The following CERKL variants were observed in gnomAD, a reference collection of about 807,000 sequenced individuals.
CERKL encodes the protein CERK like autophagy regulator.
Under a neutral mutation model 63.4 loss-of-function variants are expected in CERKL, and 61 were observed. The ratio of observed to expected loss-of-function variants is 0.96; its 90% CI spans 0.78 to 1.19. The LOEUF is 1.19. Among genes scored for constraint, CERKL ranks in the 50% most tolerant of loss-of-function variants. The probability of loss-of-function intolerance (pLI) is 0.00; values close to 1 mark genes in which losing one functional copy is unlikely to be tolerated. For synonymous variants in CERKL, 250 were observed against 230.5 expected (o/e 1.08, Z -0.77); for missense variants, 675 against 655.5 (o/e 1.03, Z -0.33).
intron 4 of CERKL, among the ~76,000 whole-genome samples, chr2:181,560,075 T>C (rs969507445): frequency 2.0e-5 from 3 of 152,174 alleles, no homozygotes; most frequent in African/African-American, 7.2e-5. Flanking sequence ...TTCTATTAAA[T>C]CCTCAGAAGT....
intron 1 of CERKL, among the ~76,000 whole-genome samples, chr2:181,647,605 C>T (rs1449708745): frequency 6.6e-6 from 1 of 152,080 alleles, no homozygotes; most frequent in Non-Finnish European, 1.5e-5. Context: ...CACTCTAGGA[C>T]CCATCTACAG....
At chr2:181,539,716 T>G (rs1480905064) in intron 11 of CERKL, among the ~76,000 whole-genome samples, 1 of 152,170 alleles carries the variant, frequency 6.6e-6, no homozygotes, top group Non-Finnish European at 1.5e-5. Context: ...GGGATGTATG[T>G]CTTCTTTTAA....
At chr2:181,604,126 A>G (rs755825877) in intron 1 of CERKL, 47 bp from the exon 2 acceptor site, 1 of 1,509,166 alleles carries the variant, frequency 6.6e-7, no homozygotes, top group South Asian at 1.1e-5. Flanking sequence ...TGTTTCATAG[A>G]GAGGAACAAC....
intron 2 of CERKL, among the ~76,000 whole-genome samples, chr2:181,596,625 C>T (rs1413680841): frequency 1.3e-5 from 2 of 152,180 alleles, no homozygotes; most frequent in African/African-American, 4.8e-5. Context: ...TATTGCTTAA[C>T]TTTTAATAAT....
At chr2:181,576,586 C>G (rs145008308) in intron 2 of CERKL, among the ~76,000 whole-genome samples, 123 of 152,206 alleles carry the variant, frequency 8.1e-4, no homozygotes, top group African/African-American at 2.9e-3. Context: ...AGGTGAAGCA[C>G]GGTGAATTTC....
intron 3 of CERKL, among the ~76,000 whole-genome samples, chr2:181,570,525 G>A (rs1028075311): frequency 9.2e-5 from 14 of 152,118 alleles, no homozygotes; most frequent in African/African-American, 3.4e-4. Context: ...TTTGATTTGT[G>A]TACGAATAGG....
intron 5 of CERKL, among the ~76,000 whole-genome samples, chr2:181,554,061 C>T (rs1050350116): frequency 1.3e-5 from 2 of 151,714 alleles, no homozygotes; most frequent in South Asian, 2.1e-4. Flanking sequence ...CTACCACTTC[C>T]TCCTGAGAGC....
chr2:181,566,205 T>C, intron 3 of CERKL, 84 bp from the exon 4 acceptor site: 5 of 971,664 alleles, frequency 5.1e-6, no homozygotes, highest in South Asian at 2.6e-5. Context: ...CAAAATAATA[T>C]GATAAACATA....
In CERKL at chr2:181,573,799, C is replaced by T. The variant is rs1689010242; in HGVS notation, c.567G>A (p.Lys189=). ...KKEATQVYYE[K]VEPLLKLAGI... ...CTGCAAGCTTCAACAGAGGTTCAAC[C>T]TTCTCATAATAAACCTGGGTAGCTT... is the stretch of plus-strand genomic sequence containing the variant. Residue 189 remains lysine (K), a synonymous_variant, in exon 3 of 13, where the codon AAG becomes AAA. Coordinates refer to ENST00000410087, the MANE Select transcript of CERKL (RefSeq NM_201548.5). 15 of 1,612,134 alleles carry T rather than the reference C, an allele frequency of 9.3e-6. No homozygotes were observed. The highest frequency in any genetic ancestry group is 1.3e-5 in the Non-Finnish European group (15 of 1,178,846).
At chr2:181,598,220 G>A (rs1047593317) in intron 2 of CERKL, among the ~76,000 whole-genome samples, 3 of 152,154 alleles carry the variant, frequency 2.0e-5, no homozygotes, top group Non-Finnish European at 4.4e-5. Flanking sequence ...CAGTGTCCCA[G>A]CAATGGAGGA....
intron 11 of CERKL, among the ~76,000 whole-genome samples, chr2:181,543,258 T>C (rs1337898077): frequency 6.6e-6 from 1 of 152,184 alleles, no homozygotes; most frequent in African/African-American, 2.4e-5. Context: ...GTGCTTTGGG[T>C]TTTTTAAAAA....
At chr2:181,545,649 A>G (rs1438282402) in intron 10 of CERKL, among the ~76,000 whole-genome samples, 1 of 152,206 alleles carries the variant, frequency 6.6e-6, no homozygotes, top group Non-Finnish European at 1.5e-5. Flanking sequence ...AGTTTAAGTG[A>G]TTTGTTCAAA....
chr2:181,598,854 T>A (rs1194012827), intron 2 of CERKL, among the ~76,000 whole-genome samples: 2 of 148,586 alleles, frequency 1.3e-5, no homozygotes, highest in African/African-American at 5.1e-5. Context: ...ACATACACCA[T>A]AGTCATACCC....
At chr2:181,560,815 AAC>A (rs1486893795) in intron 4 of CERKL, among the ~76,000 whole-genome samples, 1 of 152,162 alleles carries the variant, frequency 6.6e-6, no homozygotes, top group African/African-American at 2.4e-5. Context: ...TATTTTGAAA[AAC>A]AGTTTACCAG....
chr2:181,595,162 A>G (rs1685146496), intron 2 of CERKL, among the ~76,000 whole-genome samples: 1 of 152,186 alleles, frequency 6.6e-6, no homozygotes, highest in South Asian at 2.1e-4. Flanking sequence ...AAACCCTGCT[A>G]AACATAAAGC....
In CERKL at chr2:181,558,958, A is replaced by T. The variant is rs1049209015; in HGVS notation, c.678-250T>A. ...AATAGCTTTAAGTGTGTTAAGAGAT[A>T]TGAAAACTTTTGAACATGTTAATTC... On this transcript the variant is annotated intron_variant, in intron 4 of 12. Coordinates refer to ENST00000410087, the MANE Select transcript of CERKL (RefSeq NM_201548.5). This position sits in a 1 kb window ranked among gnomAD's most constrained non-coding sequence, Gnocchi z 4.2. Among the ~76,000 whole-genome samples, 8 of 152,222 alleles carry T rather than the reference A, an allele frequency of 5.3e-5. No homozygotes were observed. The highest frequency in any genetic ancestry group is 1.0e-4 in the Non-Finnish European group (7 of 68,040).
chr2:181,655,842 A>AG (rs1162340914), intron 1 of CERKL, among the ~76,000 whole-genome samples: 2 of 152,220 alleles, frequency 1.3e-5, no homozygotes, highest in Admixed American at 1.3e-4. Context: ...ACCTTGATGT[A>AG]GTTCCTCCCC....
Position 181,642,935 on chromosome 2 carries a change from TGACAATACC to T in CERKL, c.238+13825_238+13833del, listed in dbSNP as rs1687508432. Among the ~76,000 whole-genome samples, 7 of 152,320 alleles carry T rather than the reference TGACAATACC, an allele frequency of 4.6e-5. 1 individual carries two copies. The South Asian group carries it at 1.4e-3, about 32-fold the overall frequency. On this transcript the variant is annotated intron_variant, in intron 1 of 12. Coordinates refer to ENST00000410087, the MANE Select transcript of CERKL (RefSeq NM_201548.5). ...CAGAAAATGGTTTCTTCCTTTCCAA[TGACAATACC>T]TACACCAAAGCGATTGCCCACCTCT... is the stretch of plus-strand genomic sequence containing the variant.
intron 5 of CERKL, among the ~76,000 whole-genome samples, chr2:181,556,975 T>C (rs1688238689): frequency 6.6e-6 from 1 of 152,224 alleles, no homozygotes; most frequent in African/African-American, 2.4e-5. Context: ...GGTTTTGATT[T>C]GCATTTCTCT....
Sources: gnomAD v4.1 joint callset for allele counts (sites outside exome capture counted in the v4.1 genomes callset) on GRCh38, gnomAD v4.1.1 for gene constraint, Gnocchi (gnomAD v3.1) non-coding constraint, MANE v1.5 for transcripts, NCBI Gene and HGNC (gene_info 2026-07-23, HGNC 2026-07-21) for gene names.